PER3: variants seen among roughly 807,000 people sequenced by gnomAD.
PER3 encodes the protein period circadian protein homolog 3.
Under a neutral mutation model 127.2 loss-of-function variants are expected in PER3, and 107 were observed. The ratio of observed to expected loss-of-function variants is 0.84; its 90% CI spans 0.72 to 0.99. PER3 has a LOEUF of 0.99. PER3 is among the 50% of genes least tolerant of loss of function. The pLI is 0.00. For missense variants in PER3, 1,560 were observed against 1,525.8 expected, an observed-to-expected ratio of 1.02 and a Z score of -0.37; for synonymous variants, 618 against 585.8, an observed-to-expected ratio of 1.05 and a Z score of -0.79.
chr1:7,825,199 C>T (rs569147543), intron 16 of PER3, among the ~76,000 whole-genome samples: 3 of 151,992 alleles, frequency 2.0e-5, no homozygotes, highest in South Asian at 2.1e-4. Flanking sequence ...ACCACAGGGG[C>T]GAGCTGGAAT....
chr1:7,788,458 T>A, intron 5 of PER3: 1 of 562,784 alleles, frequency 1.8e-6, no homozygotes, highest in Non-Finnish European at 3.2e-6. Context: ...CACATCTGTT[T>A]CACAGATGAT....
In PER3 at chr1:7,829,133, C is replaced by T. The variant is rs949169002; in HGVS notation, c.2887-701C>T. Among the ~76,000 whole-genome samples the T allele has an allele frequency of 5.3e-5, 8 of 152,072 alleles. 1 individual carries two copies. Among genetic ancestry groups the T allele is most frequent in the Non-Finnish European group, 1.2e-4 (8 of 68,006 alleles). ...TGCCAGTTACAGTAGTCTCCCTTAC[C>T]CAGGGGATATGTTTCAAACCCATGG... On this transcript the variant is annotated intron_variant, in intron 18 of 21. Coordinates refer to ENST00000377532, the MANE Select transcript of PER3 (RefSeq NM_001377275.1).
At chr1:7,840,467 C>T (rs1187495738) in intron 21 of PER3, among the ~76,000 whole-genome samples, 5 of 151,142 alleles carry the variant, frequency 3.3e-5, no homozygotes, top group Non-Finnish European at 7.4e-5. Context: ...AGCTAGCACA[C>T]ACCACCATGC....
intron 19 of PER3, among the ~76,000 whole-genome samples, chr1:7,831,744 T>C (rs977417790): frequency 1.3e-5 from 2 of 152,250 alleles, no homozygotes; most frequent in African/African-American, 2.4e-5. Context: ...TTGCATTTGG[T>C]CATGCTCTTT....
At chr1:7,787,355 C>G (rs565254198) in intron 4 of PER3, 8 of 271,704 alleles carry the variant, frequency 2.9e-5, no homozygotes, top group Non-Finnish European at 5.1e-5. Flanking sequence ...TTGGTTGATA[C>G]GGTGGAGATT....
At position 7,820,235 on chromosome 1, in the gene PER3, A is replaced by G. The variant is rs2097269897; in HGVS notation, c.1779A>G (p.Leu593=). The G allele has an allele frequency of 6.2e-7, 1 of 1,611,078 alleles. No homozygotes were observed. Among genetic ancestry groups the G allele is most frequent in the East Asian group, 2.2e-5 (1 of 44,860 alleles). ...ACAAGGCAGATGATGTCCAAGCCTT[A>G]CAAGGTAACAAGAATGCCCCTCAGA... ...QNHKADDVQA[L]QAGLQIPAIP... is the part of the protein sequence containing the mutation. The change falls in exon 15 of 22, where the codon TTA becomes TTG. Residue 593 remains leucine (L), a synonymous_variant. Coordinates refer to ENST00000377532, the MANE Select transcript of PER3 (RefSeq NM_001377275.1).
intron 21 of PER3, among the ~76,000 whole-genome samples, chr1:7,839,190 T>C (rs1290847190): frequency 6.6e-6 from 1 of 152,218 alleles, no homozygotes; most frequent in African/African-American, 2.4e-5. Flanking sequence ...TTATACCAGC[T>C]TAACTTTGAT....
intron 5 of PER3, among the ~76,000 whole-genome samples, chr1:7,789,542 CTCTT>C (rs1200337564): frequency 1.3e-5 from 2 of 152,148 alleles, no homozygotes; most frequent in Non-Finnish European, 2.9e-5. Context: ...TCCGTTAAAC[CTCTT>C]TCTTTTGTAA....
chr1:7,784,990 C>A lies in PER3; in HGVS notation c.113C>A (p.Ala38Glu). The A allele has an allele frequency of 6.4e-7, 1 of 1,568,232 alleles. No individual in the cohort carries two copies. Among genetic ancestry groups the A allele is most frequent in the Non-Finnish European group, 8.6e-7 (1 of 1,164,126 alleles). Residue 38 changes from alanine to glutamate, a missense_variant, in exon 2 of 22, where the codon GCG becomes GAG. Ala to Glu is a moderately radical substitution (Grantham distance 107, BLOSUM62 -1). Transcript: ENST00000377532. Reference protein sequence around the residue: ...SPEFHLQRKLADSSHSEQQDR... With the variant: ...SPEFHLQRKLEDSSHSEQQDR... ...GAGTTCCATCTGCAGAGGAAATTGGCGGACAGCAGCCACAGGTGACGCGCT... is the reference window on the plus strand; with the variant it reads ...GAGTTCCATCTGCAGAGGAAATTGGAGGACAGCAGCCACAGGTGACGCGCT...
rs768430140 is a variant in PER3 at position 7,788,083 on chromosome 1, G to A, written c.429G>A (p.Arg143=). 2 of 1,613,792 alleles carry A rather than the reference G, an allele frequency of 1.2e-6. No homozygotes were observed. Among genetic ancestry groups the A allele is most frequent in the Non-Finnish European group, 1.7e-6 (2 of 1,179,706 alleles). ...CAGTATTTTCATTTCTGTCTGGAAG[G>A]TTAGTGCACATTTCTGAACAGGCTG... ...FVAVFSFLSG[R]LVHISEQAAL... is the part of the protein sequence containing the mutation. The change falls in exon 5 of 22, where the codon AGG becomes AGA. Residue 143 remains arginine, a synonymous_variant. Coordinates refer to ENST00000377532, the MANE Select transcript of PER3 (RefSeq NM_001377275.1).
At chr1:7,825,452 G>C (rs1201702436) in intron 16 of PER3, among the ~76,000 whole-genome samples, 1 of 152,190 alleles carries the variant, frequency 6.6e-6, no homozygotes, top group Non-Finnish European at 1.5e-5. Context: ...GTAGAAGTAT[G>C]AGACAACTGT....
rs1486425295 is a variant in PER3, at chr1:7,825,929, G to GGC, written c.1958-549_1958-548dup. 6.6e-5 allele frequency among the ~76,000 whole-genome samples: 10 copies of GGC among 151,436 alleles called. No homozygotes were observed. In the South Asian group the frequency reaches 1.2e-3, roughly 19 times the overall value. ...AATGAACAAATACAAAATTTAGCCA[G>GGC]GCGTGGTGTGGCACACGCTTATAGT... On this transcript the variant is annotated intron_variant, in intron 16 of 21. Coordinates refer to ENST00000377532, the MANE Select transcript of PER3 (RefSeq NM_001377275.1).
At position 7,843,071 on chromosome 1, in the gene PER3, G is replaced by GTA. The variant is rs919117391; in HGVS notation, c.*319_*320dup. ...CACCCAGAGTAAATTATAATTAGAAGTATAGCTAGAATGAGCCCCAAACCT... is the reference window on the plus strand; with the variant it reads ...CACCCAGAGTAAATTATAATTAGAAGTATATAGCTAGAATGAGCCCCAAACCT... On this transcript the variant is annotated 3_prime_UTR_variant, in exon 22 of 22. Transcript: ENST00000377532. The GTA allele has an allele frequency of 4.1e-5, 7 of 169,988 alleles. No homozygotes were observed. The highest frequency in any genetic ancestry group is 1.2e-4 in the Admixed American group (2 of 16,246). 10.5% of individuals were successfully genotyped at this position (169,988 alleles called of 1,614,324 possible). A position where few individuals can be genotyped will look rare whatever the true frequency, so the allele number is the denominator to read the frequency against.
intron 13 of PER3, among the ~76,000 whole-genome samples, chr1:7,812,159 G>GT: frequency 6.6e-6 from 1 of 152,246 alleles, no homozygotes; most frequent in East Asian, 1.9e-4. Context: ...TAGTATCACA[G>GT]TTTCACACAC....
intron 10 of PER3, among the ~76,000 whole-genome samples, chr1:7,805,326 A>T (rs2097188200): frequency 1.3e-5 from 2 of 152,208 alleles, no homozygotes; most frequent in African/African-American, 4.8e-5. Context: ...AGCATTGTCT[A>T]CATGAACATG....
rs35687686 is a variant in PER3 at position 7,827,174 on chromosome 1, C to T, written c.2245C>T (p.Arg749Trp). 1,906 of 1,612,146 alleles carry T rather than the reference C, an allele frequency of 1.2e-3. 21 individuals are homozygous for T. The African/African-American group carries it at 0.021, about 18-fold the overall frequency. ...CGGCTGCAGGAAAGGGAAGCACAAG[C>T]GGAAGAAGCTGCCGGAGCCGCCAGA... ...SAGCRKGKHK[R>W]KKLPEPPDSS... The change falls in exon 18 of 22, where the codon CGG (arginine) becomes TGG (tryptophan). Residue 749 changes from arginine (R) to tryptophan (W), a missense_variant. Transcript: ENST00000377532.
At position 7,835,861 on chromosome 1, in the gene PER3, T is replaced by G. The variant is rs749840396; in HGVS notation, c.3314T>G (p.Phe1105Cys). ...QSQDVQKKET[F>C]PNVAEEPIWR... ...CAGGACGTACAGAAAAAAGAAACAT[T>G]TCCTAATGTCGCCGAAGAGCCCATC... Residue 1105 changes from phenylalanine (F) to cysteine (C), a missense_variant, in exon 20 of 22, where the codon TTT (phenylalanine) becomes TGT (cysteine). Physicochemically the swap from Phe to Cys is radical, Grantham distance 205 (BLOSUM62 -2). Transcript: ENST00000377532. The G allele has an allele frequency of 1.9e-6, 3 of 1,612,206 alleles. No homozygotes were observed. The South Asian group carries it at 3.3e-5, about 18-fold the overall frequency.
intron 16 of PER3, among the ~76,000 whole-genome samples, chr1:7,824,124 A>C (rs994989249): frequency 3.9e-5 from 6 of 152,260 alleles, no homozygotes; most frequent in Admixed American, 6.5e-5. Context: ...GATACAGCTA[A>C]AAACGGGGCT....
chr1:7,802,555 G>A (rs762909478), intron 8 of PER3, among the ~76,000 whole-genome samples: 6 of 152,196 alleles, frequency 3.9e-5, no homozygotes, highest in African/African-American at 1.4e-4. Flanking sequence ...GTGAGCCACC[G>A]TGCCTGGCCT....
Sources: allele counts gnomAD v4.1 joint callset (sites outside exome capture counted in the v4.1 genomes callset), GRCh38; gene constraint gnomAD v4.1.1; transcripts MANE v1.5; gene names NCBI Gene and HGNC (gene_info 2026-07-23, HGNC 2026-07-21).